ARHGEF39: variants seen among roughly 807,000 people sequenced by gnomAD.
ARHGEF39 encodes the protein Rho guanine nucleotide exchange factor 39, also known as Rho guanine nucleotide exchange factor (GEF) 39.
ARHGEF39 carries 45 observed loss-of-function variants against 47.5 expected under a neutral mutation model. The ratio of observed to expected loss-of-function variants is 0.95; its 90% CI spans 0.75 to 1.22. The LOEUF is 1.22. ARHGEF39 is among the 50% of genes most tolerant of loss of function. The pLI, the probability that ARHGEF39 is intolerant of heterozygous loss-of-function variation, is 0.00. For missense variants in ARHGEF39, 411 were observed against 425.3 expected (o/e 0.97, Z 0.30); for synonymous variants, 164 against 167.8 (o/e 0.98, Z 0.17).
chr9:35,664,097 C>T lies in ARHGEF39; in HGVS notation c.384G>A (p.Arg128=). The change falls in exon 4 of 9, where the codon CGG becomes CGA. Residue 128 remains arginine (R), a synonymous_variant. Transcript: ENST00000378387. ...GGCCTTCCTGAAGCCGTACAAACCTCCGGAAACCTTTATTTTTCTTTAGCT... is the reference window on the plus strand; with the variant it reads ...GGCCTTCCTGAAGCCGTACAAACCTTCGGAAACCTTTATTTTTCTTTAGCT... The part of the protein sequence containing the change: ...QEQLKKNKGF[R]RFVRLQEGRP... 2 of 1,614,116 alleles carry T rather than the reference C, an allele frequency of 1.2e-6. No homozygotes were observed. The highest frequency in any genetic ancestry group is 1.7e-6 in the Non-Finnish European group (2 of 1,179,986).
rs1368407758 is a variant in ARHGEF39 at position 35,660,209 on chromosome 9, T to C, written c.*1778A>G. ...TGGAGGTGTTTCAGCAAACTGACCATGTGTGGGACATAGGACGTCGCTTCA... is the reference window on the plus strand; with the variant it reads ...TGGAGGTGTTTCAGCAAACTGACCACGTGTGGGACATAGGACGTCGCTTCA... On this transcript the variant is annotated 3_prime_UTR_variant, in exon 9 of 9. Transcript: ENST00000378387. The C allele has an allele frequency of 1.9e-6, 1 of 535,334 alleles. No individual in the cohort carries two copies. The allele number at this position is 535,334 out of a possible 1,614,324, so 33.2% of individuals were successfully genotyped here. A position where few individuals can be genotyped will look rare whatever the true frequency, so the allele number is the denominator to read the frequency against.
At position 35,661,880 on chromosome 9, in the gene ARHGEF39, G is replaced by C; in HGVS notation, c.*107C>G. 7.4e-7 allele frequency: 1 copy of C among 1,346,004 alleles called. No individual in the cohort carries two copies. The highest frequency in any genetic ancestry group is 1.4e-5 in the South Asian group (1 of 70,900). The allele number at this position is 1,346,004 out of a possible 1,614,324, so 83.4% of individuals were successfully genotyped here. A position where few individuals can be genotyped will look rare whatever the true frequency, so the allele number is the denominator to read the frequency against. Reference sequence around the variant, plus strand: ...TCCAGGCAAACAGAAAGTGACCTTTGTCAAATCATGAAGGGTTCTGTTTTG... The same window carrying C: ...TCCAGGCAAACAGAAAGTGACCTTTCTCAAATCATGAAGGGTTCTGTTTTG... On this transcript the variant is annotated 3_prime_UTR_variant, in exon 9 of 9. Transcript: ENST00000378387.
At chr9:35,663,878 G>GT in intron 4 of ARHGEF39, 130 bp downstream of exon 4, 1 of 960,422 alleles carries the variant, frequency 1.0e-6, no homozygotes, top group Non-Finnish European at 1.6e-6. Context: ...CTTGCAAAAG[G>GT]TTTTTAGAAG....
intron 2 of ARHGEF39, 59 bp downstream of exon 2, chr9:35,664,697 T>G (rs927268017): frequency 2.6e-6 from 4 of 1,548,866 alleles, no homozygotes; most frequent in Non-Finnish European, 3.5e-6. Context: ...CCAAGCTCTG[T>G]GCACGGCCAC....
At chr9:35,663,275 C>T (rs1008082000) in intron 5 of ARHGEF39, 47 bp downstream of exon 5, 1 of 1,597,670 alleles carries the variant, frequency 6.3e-7, no homozygotes, top group African/African-American at 1.3e-5. Context: ...GAAAGGAATA[C>T]AGGAGAGGAA....
Position 35,661,036 on chromosome 9 carries a change from CAG to C in ARHGEF39, c.*949_*950del. The C allele has an allele frequency of 6.2e-7, 1 of 1,614,196 alleles. No individual in the cohort carries two copies. Among genetic ancestry groups the C allele is most frequent in the Non-Finnish European group, 8.5e-7 (1 of 1,180,038 alleles). Reference sequence around the variant, plus strand: ...TGGGAGGAGCCCACAAACTGGAGCACAGAGACATGGAACCTAGCTACTTCCTG... The same window carrying C: ...TGGGAGGAGCCCACAAACTGGAGCACAGACATGGAACCTAGCTACTTCCTG... On this transcript the variant is annotated 3_prime_UTR_variant, in exon 9 of 9. Coordinates refer to ENST00000378387, the MANE Select transcript of ARHGEF39 (RefSeq NM_032818.3).
rs761571235 is a variant in ARHGEF39, at chr9:35,662,586, G to T, written c.829C>A (p.Leu277Ile). ...LRSGTFACKA[L>I]YPMAQCHLSR... ...AGATGACACTGGGCCATGGGGTAGA[G>T]GGCCTTGCAGGCAAAGGTGCCACTC... Residue 277 changes from leucine (L) to isoleucine (I), a missense_variant, in exon 7 of 9, where the codon CTC (leucine) becomes ATC (isoleucine). Physicochemically the swap from Leu to Ile is conservative, Grantham distance 5. Transcript: ENST00000378387. The T allele has an allele frequency of 4.3e-6, 7 of 1,614,210 alleles. No individual in the cohort carries two copies. The South Asian group carries it at 7.7e-5, about 18-fold the overall frequency.
At position 35,660,376 on chromosome 9, in the gene ARHGEF39, C is replaced by G. The variant is rs909674270; in HGVS notation, c.*1611G>C. The G allele has an allele frequency of 3.2e-6, 5 of 1,569,912 alleles. No individual in the cohort carries two copies. In the Admixed American group the frequency reaches 9.1e-5, roughly 29 times the overall value. ...GGAGCAGAACCTTGTTGCTTCAGTA[C>G]TGCCCTTTCCTTCTTCCACAACAGG... On this transcript the variant is annotated 3_prime_UTR_variant, in exon 9 of 9. Transcript: ENST00000378387.
intron 2 of ARHGEF39, 82 bp downstream of exon 2, chr9:35,664,674 C>T (rs1244356792): frequency 1.3e-6 from 2 of 1,506,586 alleles, no homozygotes; most frequent in East Asian, 2.3e-5. Context: ...CCAAATAGAA[C>T]CTAAGTCTGA....
chr9:35,662,751 G>T lies in ARHGEF39; in HGVS notation c.674-10C>A. ...CGTAGGAACCAGCGCCCTGGGGGAT[G>T]GGAGCGCTGTTATTCTGGTGCAGCT... is the stretch of plus-strand genomic sequence containing the variant. On this transcript the variant is annotated splice_polypyrimidine_tract_variant and intron_variant, in intron 6 of 8. Coordinates refer to ENST00000378387, the MANE Select transcript of ARHGEF39 (RefSeq NM_032818.3). 1 of 1,551,466 alleles carries T rather than the reference G, an allele frequency of 6.4e-7. No individual in the cohort carries two copies. Among genetic ancestry groups the T allele is most frequent in the South Asian group, 1.2e-5 (1 of 84,690 alleles).
At chr9:35,664,348 G>A in intron 3 of ARHGEF39, 24 bp downstream of exon 3, 1 of 1,587,506 alleles carries the variant, frequency 6.3e-7, no homozygotes, top group Non-Finnish European at 8.6e-7. Flanking sequence ...TAAGGGGCAA[G>A]ATTTGAGGTC....
intron 6 of ARHGEF39, 22 bp downstream of exon 6, chr9:35,662,924 G>A: frequency 6.2e-7 from 1 of 1,604,744 alleles, no homozygotes; most frequent in Non-Finnish European, 8.5e-7. Flanking sequence ...GTTGAGGATT[G>A]AAGGGGAAGT....
In ARHGEF39 at chr9:35,664,157, G is replaced by A. The variant is rs751782008; in HGVS notation, c.355-31C>T. ...GTGAGGGAGAAAGGATTGGAAGCAG[G>A]GAGAGAAGCCACTCCTTATATTGCA... is the stretch of plus-strand genomic sequence containing the variant. On this transcript the variant is annotated intron_variant, in intron 3 of 8. Coordinates refer to ENST00000378387, the MANE Select transcript of ARHGEF39 (RefSeq NM_032818.3). 3 of 1,599,188 alleles carry A rather than the reference G, an allele frequency of 1.9e-6. No homozygotes were observed. In the African/African-American group the frequency reaches 4.0e-5, roughly 21 times the overall value.
chr9:35,662,681 G>A lies in ARHGEF39; in HGVS notation c.734C>T (p.Pro245Leu). The change falls in exon 7 of 9, where the codon CCC becomes CTC. Residue 245 changes from proline to leucine, a missense_variant. Coordinates refer to ENST00000378387, the MANE Select transcript of ARHGEF39 (RefSeq NM_032818.3). ...LVVPPHGEPR[P>L]RMFFLFTDVL... ...ATCAGTGAAGAGGAAGAACATGCGG[G>A]GCCGAGGCTCCCCATGGGGAGGCAC... is the stretch of plus-strand genomic sequence containing the variant. The A allele has an allele frequency of 1.9e-6, 3 of 1,593,874 alleles. No homozygotes were observed. The highest frequency in any genetic ancestry group is 2.6e-6 in the Non-Finnish European group (3 of 1,170,454).
Position 35,664,446 on chromosome 9 carries a change from C to T in ARHGEF39, c.280G>A (p.Glu94Lys). 1.2e-6 allele frequency: 2 copies of T among 1,609,882 alleles called. No homozygotes were observed. The highest frequency in any genetic ancestry group is 1.7e-6 in the Non-Finnish European group (2 of 1,176,958). The stretch of plus-strand genomic sequence containing the variant: ...AGCTCCAAGTGGCGGCAGAAGCCCT[C>T]CAGCCCTTGGCCCCAGCATCCTCCT... ...LEGGCWGQGL[E>K]GFCRHLELYN... Residue 94 changes from glutamate (E) to lysine (K), a missense_variant, in exon 3 of 9, where the codon GAG (glutamate) becomes AAG (lysine). Glu to Lys is a moderately conservative substitution (Grantham distance 56, BLOSUM62 1). Coordinates refer to ENST00000378387, the MANE Select transcript of ARHGEF39 (RefSeq NM_032818.3).
Position 35,662,510 on chromosome 9 carries a change from A to G in ARHGEF39, c.903+2T>C, listed in dbSNP as rs1824009100. The G allele has an allele frequency of 6.2e-7, 1 of 1,611,840 alleles. No individual in the cohort carries two copies. Among genetic ancestry groups the G allele is most frequent in the East Asian group, 2.2e-5 (1 of 44,862 alleles). On this transcript the variant is annotated splice_donor_variant, in intron 7 of 8. Coordinates refer to ENST00000378387, the MANE Select transcript of ARHGEF39 (RefSeq NM_032818.3). LOFTEE classifies it high-confidence loss of function. ...GGTCTAGGGTTCCCACCTATTACTTACACTGAGCAACCCACCACAAGGGCC... is the reference window on the plus strand; with the variant it reads ...GGTCTAGGGTTCCCACCTATTACTTGCACTGAGCAACCCACCACAAGGGCC...
rs773069068 is a variant in ARHGEF39 at position 35,664,424 on chromosome 9, T to G, written c.302A>C (p.Glu101Ala). 17 of 1,613,326 alleles carry G rather than the reference T, an allele frequency of 1.1e-5. No individual in the cohort carries two copies. Among genetic ancestry groups the G allele is most frequent in the Non-Finnish European group, 1.4e-5 (17 of 1,179,670 alleles). ...QGLEGFCRHL[E>A]LYNQFAANSE... is the part of the protein sequence containing the mutation. ...GTTGGCAGCAAATTGGTTATAGAGC[T>G]CCAAGTGGCGGCAGAAGCCCTCCAG... Residue 101 changes from glutamate to alanine, a missense_variant, in exon 3 of 9, where the codon GAG (glutamate) becomes GCG (alanine). Physicochemically the swap from Glu to Ala is moderately radical, Grantham distance 107. Transcript: ENST00000378387.
At position 35,660,490 on chromosome 9, in the gene ARHGEF39, C is replaced by T. The variant is rs748516738; in HGVS notation, c.*1497G>A. 3.5e-5 allele frequency: 57 copies of T among 1,613,122 alleles called. 1 individual carries two copies. The South Asian group carries it at 4.4e-4, about 12-fold the overall frequency. ...GGTTTAGCAGAAGTCTGTGCTGGGT[C>T]GGGGGAGTTTAGGGGACAGCAGAAG... On this transcript the variant is annotated 3_prime_UTR_variant, in exon 9 of 9. Transcript: ENST00000378387.
At chr9:35,663,474 C>T in intron 4 of ARHGEF39, 82 bp from the exon 5 acceptor site, 1 of 1,206,460 alleles carries the variant, frequency 8.3e-7, no homozygotes, top group Non-Finnish European at 1.2e-6. Context: ...CACCCTCTAC[C>T]CATACTTCAA....
Sources: gnomAD v4.1 joint callset for allele counts on GRCh38, gnomAD v4.1.1 for gene constraint, MANE v1.5 for transcripts, NCBI Gene and HGNC (gene_info 2026-07-23, HGNC 2026-07-21) for gene names.